The following DNAH5 variants were observed in gnomAD, a reference collection of about 807,000 sequenced individuals.
The protein encoded by DNAH5 is dynein axonemal heavy chain 5.
DNAH5 carries 372 observed loss-of-function variants against 518.2 expected under a neutral mutation model. That is an observed-to-expected ratio of 0.72 (90% CI 0.66 to 0.78). DNAH5 has a LOEUF of 0.78. DNAH5 is among the 30% of genes least tolerant of loss of function. DNAH5 has a pLI of 0.00. For synonymous variants in DNAH5, 2,039 were observed against 2,025.9 expected, an observed-to-expected ratio of 1.01 and a Z score of -0.17; for missense variants, 5,523 against 5,687.0, an observed-to-expected ratio of 0.97 and a Z score of 0.93.
intron 3 of DNAH5, among the ~76,000 whole-genome samples, chr5:13,926,314 AG>A (rs1285545388): frequency 6.6e-6 from 1 of 152,212 alleles, no homozygotes; most frequent in Non-Finnish European, 1.5e-5. Context: ...CACAAGAGCA[AG>A]GTAAGAGTGC....
rs1016951716 is a variant in DNAH5 at position 13,867,065 on chromosome 5, AAGG to A, written c.4053+706_4053+708del. Among the ~76,000 whole-genome samples, 26 of 152,324 alleles carry A rather than the reference AAGG, an allele frequency of 1.7e-4. No individual in the cohort carries two copies. In the East Asian group the frequency reaches 4.6e-3, roughly 27 times the overall value. ...TTGTGTAACCAAGGAACGCTGTGGA[AAGG>A]AGGACAATTATAACTGCATGCGAAT... On this transcript the variant is annotated intron_variant, in intron 25 of 78. Coordinates refer to ENST00000265104, the MANE Select transcript of DNAH5 (RefSeq NM_001369.3).
chr5:13,811,660 A>G lies in DNAH5; in HGVS notation c.7394T>C (p.Leu2465Pro), dbSNP rs746379820. 6.2e-7 allele frequency: 1 copy of G among 1,614,154 alleles called. No homozygotes were observed. Among genetic ancestry groups the G allele is most frequent in the South Asian group, 1.1e-5 (1 of 91,082 alleles). The change falls in exon 44 of 79, where the codon CTG becomes CCG. Residue 2465 changes from leucine (L) to proline (P), a missense_variant. Coordinates refer to ENST00000265104, the MANE Select transcript of DNAH5 (RefSeq NM_001369.3). The stretch of plus-strand genomic sequence containing the variant: ...TGAGCAATTTACCTTCAGAGGAATC[A>G]GGCCTTGAAGCATGTTAATGCTCTG... ...ITQSINMLQG[L>P]IPLKEQGGEV...
chr5:13,792,337 T>C (rs1757132254), intron 49 of DNAH5, 120 bp from the exon 50 acceptor site: 16 of 769,476 alleles, frequency 2.1e-5, no homozygotes, highest in Middle Eastern at 5.7e-4. Context: ...GATAATCACA[T>C]ATAAAAGAAA....
intron 55 of DNAH5, among the ~76,000 whole-genome samples, chr5:13,772,271 C>T (rs1216309178): frequency 3.9e-5 from 6 of 152,156 alleles, no homozygotes; most frequent in Non-Finnish European, 5.9e-5. Context: ...TGAAATCTTC[C>T]TTGTATTTAT....
intron 1 of DNAH5, among the ~76,000 whole-genome samples, chr5:13,980,125 A>G (rs1285833110): frequency 2.0e-5 from 3 of 152,134 alleles, no homozygotes; most frequent in East Asian, 3.9e-4. Flanking sequence ...GGCGTGACCC[A>G]CCGTGCCCAG....
chr5:13,867,029 C>G (rs949099541), intron 25 of DNAH5, among the ~76,000 whole-genome samples: 2 of 152,158 alleles, frequency 1.3e-5, no homozygotes, highest in Non-Finnish European at 2.9e-5. Context: ...AATTGCTGAG[C>G]TCTGTGTTAT....
At position 13,870,926 on chromosome 5, in the gene DNAH5, G is replaced by A. The variant is rs769582678; in HGVS notation, c.3675C>T (p.Tyr1225=). The A allele has an allele frequency of 1.2e-6, 2 of 1,613,746 alleles. No homozygotes were observed. Residue 1225 remains tyrosine, a synonymous_variant, in exon 24 of 79, where the codon TAC becomes TAT. Transcript: ENST00000265104. ...VVIGRHCNKK[Y]RSEMENIFML... ...TAAAAATGTTTTCCATCTCACTCCGGTATTTTTTGTTACAGTGGCGTCCAA... is the reference window on the plus strand; with the variant it reads ...TAAAAATGTTTTCCATCTCACTCCGATATTTTTTGTTACAGTGGCGTCCAA...
chr5:13,770,943 G>A lies in DNAH5; in HGVS notation c.9411C>T (p.Cys3137=). 1.2e-6 allele frequency: 2 copies of A among 1,613,996 alleles called. No individual in the cohort carries two copies. The highest frequency in any genetic ancestry group is 1.7e-6 in the Non-Finnish European group (2 of 1,179,936). ...EHFLTSYDID[C]SLEIKKEVVQ... is the part of the protein sequence containing the mutation. ...CCACCTCCTTCTTGATTTCCAAACT[G>A]CAGTCAATATCATAGGAAGTGAGGA... The change falls in exon 56 of 79, where the codon TGC becomes TGT. Residue 3137 remains cysteine (C), a synonymous_variant. Coordinates refer to ENST00000265104, the MANE Select transcript of DNAH5 (RefSeq NM_001369.3).
At chr5:13,763,386 C>T (rs1001676993) in intron 59 of DNAH5, among the ~76,000 whole-genome samples, 1 of 152,056 alleles carries the variant, frequency 6.6e-6, no homozygotes, top group Non-Finnish European at 1.5e-5. Flanking sequence ...TTAAACTCAC[C>T]TAAAATGTGA....
rs1221785647 is a variant in DNAH5 at position 13,850,730 on chromosome 5, C to T, written c.5036G>A (p.Cys1679Tyr). The change falls in exon 31 of 79, where the codon TGT becomes TAT. Residue 1679 changes from cysteine (C) to tyrosine (Y), a missense_variant. Physicochemically the swap from Cys to Tyr is radical, Grantham distance 194. Around this residue, in one of 3 missense-constraint regions of DNAH5, gnomAD observed 5,121 missense variants for 5,223.3 expected, o/e 0.98. Transcript: ENST00000265104. ...AHEVPSVVQCCVGDETLGQLL... is the reference protein window; with the variant it reads ...AHEVPSVVQCYVGDETLGQLL... Reference sequence around the variant, plus strand: ...CTGCCCCAGGGTCTCATCTCCAACACAGCACTGGACTACACTGGGCACTTC... The same window carrying T: ...CTGCCCCAGGGTCTCATCTCCAACATAGCACTGGACTACACTGGGCACTTC... 2.5e-6 allele frequency: 4 copies of T among 1,614,108 alleles called. No homozygotes were observed. Among genetic ancestry groups the T allele is most frequent in the Non-Finnish European group, 3.4e-6 (4 of 1,179,956 alleles).
intron 21 of DNAH5, among the ~76,000 whole-genome samples, chr5:13,877,346 G>C (rs932694738): frequency 1.3e-5 from 2 of 152,130 alleles, no homozygotes; most frequent in African/African-American, 4.8e-5. Context: ...CTATCCTCAT[G>C]GCATTTGTCA....
chr5:13,923,514 C>T (rs1777528949), intron 3 of DNAH5, 74 bp from the exon 4 acceptor site: 1 of 1,556,596 alleles, frequency 6.4e-7, no homozygotes, highest in Non-Finnish European at 8.8e-7. Context: ...AATGAAGTTT[C>T]CTTGTTAAAA....
intron 1 of DNAH5, among the ~76,000 whole-genome samples, chr5:14,006,381 A>C (rs1784726975): frequency 6.6e-6 from 1 of 152,174 alleles, no homozygotes; most frequent in Admixed American, 6.5e-5. Context: ...CTTGGTGCTT[A>C]AATACCAGAA....
chr5:14,003,292 G>A (rs1784488297), intron 1 of DNAH5, among the ~76,000 whole-genome samples: 1 of 152,110 alleles, frequency 6.6e-6, no homozygotes, highest in South Asian at 2.1e-4. Context: ...TACCAAAAAA[G>A]TTTGGGCCTG....
intron 15 of DNAH5, among the ~76,000 whole-genome samples, chr5:13,895,581 T>A (rs1773811575): frequency 6.6e-6 from 1 of 152,128 alleles, no homozygotes; most frequent in South Asian, 2.1e-4. Flanking sequence ...CCTCAGCCCT[T>A]TGCTAGGATT....
Position 13,885,965 on chromosome 5 carries a change from T to C in DNAH5, c.2742A>G (p.Ser914=). ...CCCTTTCATTACCCCATCTCTTACC[T>C]GAACTTTCATTTTTGTAATTAACAC... is the stretch of plus-strand genomic sequence containing the variant. ...ENSVNYKNES[S]AKREEGNFDT... is the part of the protein sequence containing the mutation. Residue 914 remains serine, a splice_region_variant and synonymous_variant, in exon 18 of 79, where the codon TCA becomes TCG. Coordinates refer to ENST00000265104, the MANE Select transcript of DNAH5 (RefSeq NM_001369.3). 1.9e-6 allele frequency: 3 copies of C among 1,612,568 alleles called. No individual in the cohort carries two copies. Among genetic ancestry groups the C allele is most frequent in the Non-Finnish European group, 1.7e-6 (2 of 1,179,626 alleles).
intron 27 of DNAH5, among the ~76,000 whole-genome samples, chr5:13,865,008 T>A (rs1361876217): frequency 2.9e-5 from 1 of 35,028 alleles, no homozygotes; most frequent in African/African-American, 1.3e-4. Flanking sequence ...AAATAGCTCT[T>A]TTTTTTTTTT....
At chr5:13,768,469 A>C (rs1752828310) in intron 58 of DNAH5, among the ~76,000 whole-genome samples, 1 of 152,240 alleles carries the variant, frequency 6.6e-6, no homozygotes. Context: ...GTGTGAACAC[A>C]GACTAATACA....
intron 30 of DNAH5, among the ~76,000 whole-genome samples, chr5:13,857,719 A>G (rs911789274): frequency 2.0e-5 from 3 of 152,146 alleles, no homozygotes; most frequent in African/African-American, 2.4e-5. Flanking sequence ...CACATCTACA[A>G]ACATCTGATA....
Sources: allele counts gnomAD v4.1 joint callset (sites outside exome capture counted in the v4.1 genomes callset), GRCh38; gene constraint gnomAD v4.1.1; regional missense constraint gnomAD v4.1.1; transcripts MANE v1.5; gene names NCBI Gene and HGNC (gene_info 2026-07-23, HGNC 2026-07-21).